The following ITGA9 variants were observed in gnomAD, a reference collection of about 807,000 sequenced individuals.
ITGA9 encodes integrin alpha-9.
A neutral mutation model predicts 127.8 loss-of-function variants in ITGA9; 56 were observed. The ratio of observed to expected loss-of-function variants is 0.44; its 90% CI spans 0.35 to 0.55. The LOEUF (loss-of-function observed/expected upper bound fraction) is 0.55. Ranked by LOEUF, ITGA9 falls within the 20% of genes least tolerant of loss-of-function variation. The pLI, the probability that ITGA9 is intolerant of heterozygous loss-of-function variation, is 0.00. For missense variants in ITGA9, 1,196 were observed against 1,347.1 expected (o/e 0.89, Z 1.76); for synonymous variants, 508 against 514.5 (o/e 0.99, Z 0.17).
chr3:37,571,162 G>T (rs1230856258), intron 15 of ITGA9, among the ~76,000 whole-genome samples: 1 of 152,154 alleles, frequency 6.6e-6, no homozygotes, highest in Non-Finnish European at 1.5e-5. Flanking sequence ...ACCCAGAGTT[G>T]TTGTTCCCAG....
chr3:37,646,670 C>G (rs1312104618), intron 16 of ITGA9, among the ~76,000 whole-genome samples: 2 of 152,224 alleles, frequency 1.3e-5, no homozygotes, highest in Non-Finnish European at 2.9e-5. Flanking sequence ...GGCCAACTAG[C>G]AGGTGAAGTC....
intron 14 of ITGA9, among the ~76,000 whole-genome samples, chr3:37,540,496 A>G (rs1699254973): frequency 6.6e-6 from 1 of 152,216 alleles, no homozygotes; most frequent in South Asian, 2.1e-4. Context: ...CATGCATTCA[A>G]AAAAATGGGA....
intron 9 of ITGA9, among the ~76,000 whole-genome samples, chr3:37,517,110 G>GA (rs1376691245): frequency 6.6e-6 from 1 of 152,148 alleles, no homozygotes; most frequent in Non-Finnish European, 1.5e-5. Flanking sequence ...AGAAAAAATA[G>GA]AAAAATGTAT....
At position 37,513,786 on chromosome 3, in the gene ITGA9, C is replaced by T. The variant is rs144532884; in HGVS notation, c.921C>T (p.Ser307=). 1.2e-6 allele frequency: 2 copies of T among 1,614,106 alleles called. No individual in the cohort carries two copies. The highest frequency in any genetic ancestry group is 1.7e-6 in the Non-Finnish European group (2 of 1,180,024). ...AGATGGGCTCTTACTTCGGCTCCTCCTTGTGCGCAGTTGACCTGAATGGGG... is the reference window on the plus strand; with the variant it reads ...AGATGGGCTCTTACTTCGGCTCCTCTTTGTGCGCAGTTGACCTGAATGGGG... ...GKKMGSYFGS[S]LCAVDLNGDG... Residue 307 remains serine (S), a synonymous_variant, in exon 9 of 28, where the codon TCC becomes TCT. Coordinates refer to ENST00000264741, the MANE Select transcript of ITGA9 (RefSeq NM_002207.3).
At chr3:37,724,140 G>A (rs1264818124) in intron 18 of ITGA9, among the ~76,000 whole-genome samples, 1 of 152,076 alleles carries the variant, frequency 6.6e-6, no homozygotes, top group Non-Finnish European at 1.5e-5. Flanking sequence ...TCAGCCTCTG[G>A]GCACACAGCT....
At chr3:37,761,050 T>G (rs1696717687) in intron 23 of ITGA9, among the ~76,000 whole-genome samples, 2 of 152,154 alleles carry the variant, frequency 1.3e-5, no homozygotes, top group South Asian at 4.1e-4. Context: ...TCCCAGCACT[T>G]TGGGAGGCTG....
chr3:37,716,859 A>G (rs1366308606), intron 18 of ITGA9, among the ~76,000 whole-genome samples: 1 of 152,084 alleles, frequency 6.6e-6, no homozygotes, highest in Non-Finnish European at 1.5e-5. Flanking sequence ...GTCTCCCTAT[A>G]TTGTTCTTAA....
chr3:37,694,885 T>A (rs994220774), intron 18 of ITGA9, among the ~76,000 whole-genome samples: 3 of 152,204 alleles, frequency 2.0e-5, no homozygotes, highest in Non-Finnish European at 4.4e-5. Context: ...AACTTCAGTG[T>A]CCTAGTCTGG....
chr3:37,680,968 G>A lies in ITGA9; in HGVS notation c.1917-2897G>A, dbSNP rs149062487. Among the ~76,000 whole-genome samples the A allele has an allele frequency of 3.8e-4, 58 of 152,254 alleles. No individual in the cohort carries two copies. In the East Asian group the frequency reaches 0.01, roughly 26 times the overall value. On this transcript the variant is annotated intron_variant, in intron 17 of 27. Coordinates refer to ENST00000264741, the MANE Select transcript of ITGA9 (RefSeq NM_002207.3). ...CATCTTGTTTGGATCCTCAGAGCCC[G>A]TGCTTCCAAAGCAAGGCCATCATAT...
At chr3:37,574,859 C>A (rs1699637946) in intron 15 of ITGA9, among the ~76,000 whole-genome samples, 1 of 152,154 alleles carries the variant, frequency 6.6e-6, no homozygotes, top group East Asian at 1.9e-4. Flanking sequence ...GGGATTGGGG[C>A]TCCAGCAGGA....
chr3:37,663,055 A>G (rs1010017318), intron 17 of ITGA9, among the ~76,000 whole-genome samples: 1 of 152,090 alleles, frequency 6.6e-6, no homozygotes, highest in African/African-American at 2.4e-5. Flanking sequence ...AAAACAATCA[A>G]CTCTTCAATT....
At chr3:37,772,702 G>A (rs1271882970) in intron 23 of ITGA9, among the ~76,000 whole-genome samples, 2 of 152,132 alleles carry the variant, frequency 1.3e-5, no homozygotes, top group Non-Finnish European at 2.9e-5. Flanking sequence ...GTAGCACCAG[G>A]CAACCTTCAA....
At chr3:37,771,841 C>T (rs887238481) in intron 23 of ITGA9, among the ~76,000 whole-genome samples, 2 of 152,086 alleles carry the variant, frequency 1.3e-5, no homozygotes, top group Non-Finnish European at 2.9e-5. Context: ...ATGGGTCAGG[C>T]TGGAGAATGC....
chr3:37,821,744 G>A lies in ITGA9; in HGVS notation c.*2755G>A, dbSNP rs1204490053. 1 of 151,772 alleles carries A rather than the reference G, an allele frequency of 6.6e-6. No homozygotes were observed. Among genetic ancestry groups the A allele is most frequent in the East Asian group, 2.0e-4 (1 of 5,106 alleles). The allele number at this position is 151,772 out of a possible 1,614,324, so 9.4% of individuals were successfully genotyped here. A position where few individuals can be genotyped will look rare whatever the true frequency, so the allele number is the denominator to read the frequency against. On this transcript the variant is annotated 3_prime_UTR_variant, in exon 28 of 28. Coordinates refer to ENST00000264741, the MANE Select transcript of ITGA9 (RefSeq NM_002207.3). ...CCTATTTGCTTCTGCTTGATTCTGC[G>A]TGGGTGGACCCACATGAGCAGCTGT... is the stretch of plus-strand genomic sequence containing the variant.
intron 3 of ITGA9, among the ~76,000 whole-genome samples, chr3:37,475,883 C>T (rs1055697276): frequency 1.3e-5 from 2 of 152,188 alleles, no homozygotes; most frequent in African/African-American, 4.8e-5. Flanking sequence ...CCCGTGGTTC[C>T]TGGCAACATT....
At chr3:37,602,769 A>C (rs1173528670) in intron 15 of ITGA9, among the ~76,000 whole-genome samples, 1 of 152,204 alleles carries the variant, frequency 6.6e-6, no homozygotes, top group African/African-American at 2.4e-5. Context: ...TCATTTAATC[A>C]AAACCAGCAC....
rs139102960 is a variant in ITGA9, at chr3:37,496,354, A to C, written c.612+1786A>C. Among the ~76,000 whole-genome samples, 369 of 152,272 alleles carry C rather than the reference A, an allele frequency of 2.4e-3. 8 individuals carry two copies. The highest frequency in any genetic ancestry group is 0.02 in the Admixed American group (299 of 15,294). ...TCTATGCCCTGGGAATGGCACCGCC[A>C]ATCATCCTAACCATTGAGGCCGAAT... On this transcript the variant is annotated intron_variant, in intron 5 of 27. Transcript: ENST00000264741.
Position 37,736,896 on chromosome 3 carries a change from T to C in ITGA9, c.2155-8T>C. ...GCTGATGCCAAATACCACTTCCTTT[T>C]TCACTAGTATGAATTCAGCGTGATC... is the stretch of plus-strand genomic sequence containing the variant. On this transcript the variant is annotated splice_region_variant and splice_polypyrimidine_tract_variant and intron_variant, in intron 19 of 27. Transcript: ENST00000264741. 6.2e-7 allele frequency: 1 copy of C among 1,603,274 alleles called. No homozygotes were observed. Among genetic ancestry groups the C allele is most frequent in the East Asian group, 2.2e-5 (1 of 44,830 alleles).
chr3:37,487,654 G>A (rs1169276704), intron 4 of ITGA9, among the ~76,000 whole-genome samples: 2 of 152,080 alleles, frequency 1.3e-5, no homozygotes, highest in African/African-American at 4.8e-5. Context: ...TCTTATCCTT[G>A]TTATACAGAT....
Sources: allele counts gnomAD v4.1 joint callset (sites outside exome capture counted in the v4.1 genomes callset), GRCh38; gene constraint gnomAD v4.1.1; transcripts MANE v1.5; gene names NCBI Gene and HGNC (gene_info 2026-07-23, HGNC 2026-07-21).